The following DEPDC5 variants were observed in gnomAD, a reference collection of about 807,000 sequenced individuals.
DEPDC5 encodes the protein DEP domain containing 5, GATOR1 subcomplex subunit, also known as GATOR1 complex protein DEPDC5.
A neutral mutation model predicts 217.3 loss-of-function variants in DEPDC5; 73 were observed. That is an observed-to-expected ratio of 0.34 (90% CI 0.28 to 0.41). DEPDC5 has a LOEUF of 0.41. DEPDC5 is among the 10% of genes least tolerant of loss of function. The pLI, the probability that DEPDC5 is intolerant of heterozygous loss-of-function variation, is 1.00. For synonymous variants in DEPDC5, 733 were observed against 756.7 expected (o/e 0.97, Z 0.51); for missense variants, 1,675 against 2,070.1 (o/e 0.81, Z 3.70).
At chr22:31,814,860 C>A in intron 20 of DEPDC5, 132 bp from the exon 21 acceptor site, 1 of 886,110 alleles carries the variant, frequency 1.1e-6, no homozygotes, top group Non-Finnish European at 1.8e-6. Context: ...ACAGGTTTCC[C>A]ACTTGTAGAT....
chr22:31,805,855 T>C (rs764497471), intron 17 of DEPDC5, among the ~76,000 whole-genome samples: 1 of 152,142 alleles, frequency 6.6e-6, no homozygotes, highest in East Asian at 1.9e-4. Context: ...CCCAGCACTT[T>C]GGGATGCTGA....
intron 10 of DEPDC5, among the ~76,000 whole-genome samples, chr22:31,785,587 CTTT>C (rs138287): frequency 6.9e-6 from 1 of 144,558 alleles, no homozygotes; most frequent in Non-Finnish European, 1.5e-5. Context: ...ATACCAGTGC[CTTT>C]TTTTTTTTTT....
At chr22:31,863,564 A>G (rs1422010083) in intron 33 of DEPDC5, among the ~76,000 whole-genome samples, 2 of 152,220 alleles carry the variant, frequency 1.3e-5, no homozygotes, top group African/African-American at 4.8e-5. Context: ...TTTTGTTGAA[A>G]AGGCAGGAAG....
intron 38 of DEPDC5, among the ~76,000 whole-genome samples, chr22:31,884,644 A>G (rs1291212785): frequency 6.6e-6 from 1 of 152,016 alleles, no homozygotes; most frequent in Non-Finnish European, 1.5e-5. Context: ...TCATCTCCAT[A>G]CCCTAAAGTG....
chr22:31,823,328 G>A (rs1418695138), intron 24 of DEPDC5, among the ~76,000 whole-genome samples: 2 of 151,924 alleles, frequency 1.3e-5, no homozygotes, highest in East Asian at 1.9e-4. Context: ...TCAGGAGTTC[G>A]AGACCAGCCT....
At chr22:31,754,835 A>G (rs2075181864) in intron 1 of DEPDC5, 27 bp from the exon 2 acceptor site, 21 of 1,505,156 alleles carry the variant, frequency 1.4e-5, no homozygotes, top group South Asian at 2.3e-5. Flanking sequence ...TGACATTCCA[A>G]CCTTTTCGTT....
intron 3 of DEPDC5, among the ~76,000 whole-genome samples, chr22:31,759,566 G>A (rs945145140): frequency 6.6e-5 from 10 of 150,758 alleles, no homozygotes; most frequent in Admixed American, 3.3e-4. Context: ...TAGAGACGGG[G>A]TTTCACCATG....
intron 40 of DEPDC5, among the ~76,000 whole-genome samples, chr22:31,900,387 C>T (rs1211874566): frequency 5.3e-5 from 8 of 152,040 alleles, no homozygotes; most frequent in Non-Finnish European, 8.8e-5. Flanking sequence ...AATTTTCCTA[C>T]CTCTAGAATG....
intron 38 of DEPDC5, among the ~76,000 whole-genome samples, chr22:31,889,828 G>C (rs1400483551): frequency 6.6e-6 from 1 of 152,124 alleles, no homozygotes; most frequent in Non-Finnish European, 1.5e-5. Flanking sequence ...GTGAGCCACT[G>C]TTTTGATTTT....
chr22:31,903,460 CACACCTAAACCCCCT>C (rs2093696193), intron 41 of DEPDC5, among the ~76,000 whole-genome samples: 1 of 16,856 alleles, frequency 5.9e-5, no homozygotes. Flanking sequence ...CCCCACCTTC[CACACCTAAACCCCCT>C]CACCTTCCAC....
At chr22:31,758,711 C>T in intron 3 of DEPDC5, 78 bp downstream of exon 3, 5 of 1,373,020 alleles carry the variant, frequency 3.6e-6, no homozygotes, top group Non-Finnish European at 5.2e-6. Context: ...GCTCTCTTTG[C>T]CTTTCAAAAT....
Position 31,864,501 on chromosome 22 carries a change from A to AATATATATATAT in DEPDC5, c.3330+3081_3330+3092dup, listed in dbSNP as rs34148134. Reference sequence around the variant, plus strand: ...CCTTCTGAACCTGTTTCTTCATTAAAATATATATATATATATATATATATT... The same window carrying AATATATATATAT: ...CCTTCTGAACCTGTTTCTTCATTAAAATATATATATATATATATATATATATATATATATATT... On this transcript the variant is annotated intron_variant, in intron 33 of 42. Coordinates refer to ENST00000651528, the MANE Select transcript of DEPDC5 (RefSeq NM_001242896.3). 1.3e-3 allele frequency among the ~76,000 whole-genome samples: 162 copies of AATATATATATAT among 123,128 alleles called. 2 individuals carry two copies. The highest frequency in any genetic ancestry group is 8.1e-3 in the Middle Eastern group (2 of 248). 80.8% of individuals were successfully genotyped at this position (123,128 alleles called of 152,430 possible).
intron 7 of DEPDC5, among the ~76,000 whole-genome samples, chr22:31,771,273 A>G (rs1444974123): frequency 6.6e-6 from 1 of 152,208 alleles, no homozygotes; most frequent in Admixed American, 6.6e-5. Flanking sequence ...TCCTAAAAAG[A>G]AAGAAAGGAT....
intron 4 of DEPDC5, among the ~76,000 whole-genome samples, chr22:31,763,300 T>C (rs148008057): frequency 0.025 from 3,729 of 152,172 alleles, 56 homozygotes; most frequent in African/African-American, 0.04. Flanking sequence ...AATTTTTATA[T>C]ATTTAGTAGA....
chr22:31,755,181 A>G, intron 2 of DEPDC5: 1 of 529,820 alleles, frequency 1.9e-6, no homozygotes, highest in Middle Eastern at 2.9e-4. Flanking sequence ...TTTAAGGAAC[A>G]TTGTGAATGC....
chr22:31,897,112 C>T (rs2093567072), intron 39 of DEPDC5, among the ~76,000 whole-genome samples: 1 of 149,738 alleles, frequency 6.7e-6, no homozygotes, highest in Non-Finnish European at 1.5e-5. Context: ...GAAAGACTGT[C>T]TCAAAAAAAA....
At chr22:31,756,837 C>T (rs995766883) in intron 2 of DEPDC5, among the ~76,000 whole-genome samples, 2 of 151,784 alleles carry the variant, frequency 1.3e-5, no homozygotes, top group Non-Finnish European at 2.9e-5. Flanking sequence ...ACGAGAATTG[C>T]TTGAACCCAG....
At chr22:31,773,473 G>A (rs2148251574) in intron 7 of DEPDC5, among the ~76,000 whole-genome samples, 1 of 152,276 alleles carries the variant, frequency 6.6e-6, no homozygotes, top group East Asian at 1.9e-4. Flanking sequence ...AGAGTGCTGG[G>A]ATTACAGGTA....
chr22:31,777,901 C>T, intron 7 of DEPDC5, 198 bp from the exon 8 acceptor site: 3 of 567,572 alleles, frequency 5.3e-6, no homozygotes, highest in Middle Eastern at 9.6e-4. Context: ...GCATGTGTCA[C>T]CATGCCCGGC....
Sources: gnomAD v4.1 joint callset for allele counts (sites outside exome capture counted in the v4.1 genomes callset) on GRCh38, gnomAD v4.1.1 for gene constraint, MANE v1.5 for transcripts, NCBI Gene and HGNC (gene_info 2026-07-23, HGNC 2026-07-21) for gene names.